The following USP49 variants were observed in gnomAD, a reference collection of about 807,000 sequenced individuals.
USP49 encodes the protein ubiquitin specific peptidase 49, also known as ubiquitin carboxyl-terminal hydrolase 49.
A neutral mutation model predicts 58.6 loss-of-function variants in USP49; 24 were observed. That is an observed-to-expected ratio of 0.41 (90% confidence interval 0.30 to 0.58). The LOEUF (loss-of-function observed/expected upper bound fraction) is 0.58. Among genes scored for constraint, USP49 ranks in the 20% least tolerant of loss-of-function variants. The probability of loss-of-function intolerance (pLI) is 0.30; values close to 1 mark genes in which losing one functional copy is unlikely to be tolerated. For synonymous variants in USP49, 408 were observed against 365.1 expected (o/e 1.12, Z -1.34); for missense variants, 703 against 866.1 (o/e 0.81, Z 2.36).
intron 3 of USP49, among the ~76,000 whole-genome samples, chr6:41,838,900 A>G (rs1381573440): frequency 6.6e-6 from 1 of 152,238 alleles, no homozygotes; most frequent in Non-Finnish European, 1.5e-5. Flanking sequence ...ACAGTGGAAT[A>G]AAACTGGAAA....
intron 3 of USP49, among the ~76,000 whole-genome samples, chr6:41,845,235 T>C: frequency 6.6e-6 from 1 of 151,984 alleles, no homozygotes; most frequent in African/African-American, 2.4e-5. Flanking sequence ...CTCAAATAAA[T>C]TCCTTTAAAA....
intron 3 of USP49, among the ~76,000 whole-genome samples, chr6:41,838,072 T>A (rs1773758545): frequency 6.6e-6 from 1 of 152,208 alleles, no homozygotes; most frequent in African/African-American, 2.4e-5. Flanking sequence ...AAAACAGAAC[T>A]ACTATTTAAC....
At chr6:41,800,048 G>T in intron 5 of USP49, 110 bp from the exon 6 acceptor site, 2 of 973,920 alleles carry the variant, frequency 2.1e-6, no homozygotes, top group Non-Finnish European at 3.2e-6. Flanking sequence ...CTCAGTATCT[G>T]AACCTCAATT....
chr6:41,886,784 A>T (rs1183554326), intron 2 of USP49, among the ~76,000 whole-genome samples: 1 of 151,950 alleles, frequency 6.6e-6, no homozygotes, highest in Admixed American at 6.6e-5. Context: ...CTGTAGTCCT[A>T]GCTACTCTAG....
intron 3 of USP49, among the ~76,000 whole-genome samples, chr6:41,831,317 G>A (rs557603522): frequency 2.6e-5 from 4 of 152,174 alleles, no homozygotes; most frequent in Admixed American, 1.3e-4. Flanking sequence ...TTGAACCCAG[G>A]GGGTGGAGGT....
chr6:41,843,269 A>G (rs573852767), intron 3 of USP49, among the ~76,000 whole-genome samples: 20 of 152,346 alleles, frequency 1.3e-4, no homozygotes, highest in African/African-American at 4.8e-4. Context: ...ACTGTGCTAC[A>G]TATTTCATCT....
At chr6:41,871,178 C>T (rs1030843485) in intron 3 of USP49, among the ~76,000 whole-genome samples, 1 of 152,194 alleles carries the variant, frequency 6.6e-6, no homozygotes, top group South Asian at 2.1e-4. Flanking sequence ...ACGGGATCCT[C>T]GTGGTGGGAC....
At chr6:41,879,257 C>T (rs533680097) in intron 2 of USP49, among the ~76,000 whole-genome samples, 1 of 152,278 alleles carries the variant, frequency 6.6e-6, no homozygotes, top group South Asian at 2.1e-4. Flanking sequence ...GAAACAGGGT[C>T]TTCCTCTGTC....
At chr6:41,860,820 ATTAT>A (rs921526354) in intron 3 of USP49, among the ~76,000 whole-genome samples, 3 of 151,720 alleles carry the variant, frequency 2.0e-5, no homozygotes, top group African/African-American at 7.3e-5. Context: ...GATTATTATT[ATTAT>A]TTTTTAAAGA....
chr6:41,841,809 C>T (rs1180962672), intron 3 of USP49, among the ~76,000 whole-genome samples: 2 of 152,180 alleles, frequency 1.3e-5, no homozygotes, highest in Non-Finnish European at 2.9e-5. Context: ...GTAATCCCAG[C>T]ACTTCAGGAG....
At chr6:41,834,472 G>A (rs1173288514) in intron 3 of USP49, among the ~76,000 whole-genome samples, 1 of 152,126 alleles carries the variant, frequency 6.6e-6, no homozygotes, top group Non-Finnish European at 1.5e-5. Flanking sequence ...TTGGATCTGT[G>A]TCCCCACCAA....
At chr6:41,874,173 T>C (rs936428489) in intron 2 of USP49, 1 of 152,226 alleles carries the variant, frequency 6.6e-6, no homozygotes. Flanking sequence ...GTCAACATCA[T>C]GGTGTCCATT....
At chr6:41,802,536 C>CCCCA (rs1773039184) in intron 5 of USP49, among the ~76,000 whole-genome samples, 1 of 145,382 alleles carries the variant, frequency 6.9e-6, no homozygotes, top group Non-Finnish European at 1.5e-5. Flanking sequence ...TGCAGTGGCG[C>CCCCA]CCACCTTGGG....
At chr6:41,847,298 C>A (rs1218757487) in intron 3 of USP49, among the ~76,000 whole-genome samples, 1 of 152,078 alleles carries the variant, frequency 6.6e-6, no homozygotes, top group African/African-American at 2.4e-5. Flanking sequence ...ATGAAGAAAA[C>A]AATCCATGAC....
chr6:41,886,766 G>GT lies in USP49; in HGVS notation c.-103+5027dup, dbSNP rs200094223. The stretch of plus-strand genomic sequence containing the variant: ...TACAAAAAATTAGTCGGGCGTGGTG[G>GT]TGCATGCCTGTAGTCCTAGCTACTC... On this transcript the variant is annotated intron_variant, in intron 2 of 7. Coordinates refer to ENST00000682992, the MANE Select transcript of USP49 (RefSeq NM_001286554.2). 2.4e-3 allele frequency among the ~76,000 whole-genome samples: 368 copies of GT among 152,304 alleles called. 3 individuals are homozygous for GT. The highest frequency in any genetic ancestry group is 7.0e-3 in the African/African-American group (292 of 41,580).
At position 41,792,670 on chromosome 6, in the gene USP49, A is replaced by T. The variant is rs1772817743; in HGVS notation, c.*3863T>A. ...ACAAAGAATTTGGACATTGTAACAT[A>T]ATTTCAGAACTTGCTGGTAAGAATA... On this transcript the variant is annotated 3_prime_UTR_variant, in exon 8 of 8. Coordinates refer to ENST00000682992, the MANE Select transcript of USP49 (RefSeq NM_001286554.2). The T allele has an allele frequency of 6.6e-6, 1 of 152,264 alleles. No individual in the cohort carries two copies. The highest frequency in any genetic ancestry group is 1.5e-5 in the Non-Finnish European group (1 of 68,054). 9.4% of individuals were successfully genotyped at this position (152,264 alleles called of 1,614,324 possible). A position where few individuals can be genotyped will look rare whatever the true frequency, so the allele number is the denominator to read the frequency against.
At chr6:41,817,122 A>G (rs2127331264) in intron 3 of USP49, among the ~76,000 whole-genome samples, 1 of 143,764 alleles carries the variant, frequency 7.0e-6, no homozygotes, top group Admixed American at 7.2e-5. Flanking sequence ...TTATAGGCAC[A>G]TGCCACCACG....
chr6:41,878,307 T>C (rs545664164), intron 2 of USP49, among the ~76,000 whole-genome samples: 333 of 152,244 alleles, frequency 2.2e-3, no homozygotes, highest in Non-Finnish European at 3.9e-3. Context: ...TCCTAAAATG[T>C]GTTGGGTATC....
At chr6:41,802,285 G>T (rs1773014348) in intron 5 of USP49, among the ~76,000 whole-genome samples, 2 of 151,820 alleles carry the variant, frequency 1.3e-5, no homozygotes, top group Admixed American at 1.3e-4. Context: ...GCCTCCCAAA[G>T]TGTTGGGATT....
Sources: gnomAD v4.1 joint callset for allele counts (sites outside exome capture counted in the v4.1 genomes callset) on GRCh38, gnomAD v4.1.1 for gene constraint, MANE v1.5 for transcripts, NCBI Gene and HGNC (gene_info 2026-07-23, HGNC 2026-07-21) for gene names.